The following GALNT13 variants were observed in gnomAD, a reference collection of about 807,000 sequenced individuals.
GALNT13 encodes polypeptide N-acetylgalactosaminyltransferase 13, also known as UDP-GalNAc:polypeptide N-acetylgalactosaminyltransferase 13.
GALNT13 carries 28 observed loss-of-function variants against 64.2 expected under a neutral mutation model. The ratio of observed to expected loss-of-function variants is 0.44; its 90% CI spans 0.32 to 0.60. The LOEUF (loss-of-function observed/expected upper bound fraction) is 0.60. Ranked by LOEUF, GALNT13 falls within the 20% of genes least tolerant of loss-of-function variation. GALNT13 has a pLI of 0.05. For missense variants in GALNT13, 577 were observed against 669.8 expected, an observed-to-expected ratio of 0.86 and a Z score of 1.53; for synonymous variants, 214 against 224.6, an observed-to-expected ratio of 0.95 and a Z score of 0.42.
chr2:153,214,287 C>G, the GALNT13 span, among the ~76,000 whole-genome samples: 32 of 152,058 alleles, frequency 2.1e-4, no homozygotes, highest in African/African-American at 7.5e-4. Context: ...GCCAATGAAA[C>G]ATTTGCCTTG....
the GALNT13 span, among the ~76,000 whole-genome samples, chr2:153,666,531 G>T: frequency 9.2e-5 from 14 of 152,062 alleles, no homozygotes; most frequent in African/African-American, 2.7e-4. Context: ...AACCTTAAAG[G>T]GTCAGAGAAC....
the GALNT13 span, among the ~76,000 whole-genome samples, chr2:153,401,926 C>G: frequency 6.6e-6 from 1 of 150,754 alleles, no homozygotes; most frequent in Non-Finnish European, 1.5e-5. Flanking sequence ...AGTCCATTTA[C>G]ATTTAAAGTT....
the GALNT13 span, among the ~76,000 whole-genome samples, chr2:153,680,971 C>T: frequency 1.1e-4 from 17 of 151,974 alleles, no homozygotes; most frequent in African/African-American, 3.9e-4. Context: ...GCCTTATTTT[C>T]TATCTTCAGG....
chr2:153,803,568 T>C, the GALNT13 span, among the ~76,000 whole-genome samples: 1,180 of 151,402 alleles, frequency 7.8e-3, 12 homozygotes, highest in African/African-American at 0.027. Flanking sequence ...GGCGGGCGCC[T>C]GTAGTCCCAG....
At chr2:154,236,232 A>T in intron 4 of GALNT13, 4 of 872,208 alleles carry the variant, frequency 4.6e-6, no homozygotes, top group Non-Finnish European at 5.7e-6. Flanking sequence ...TGTTAACCTC[A>T]TGCATCATAT....
downstream of GALNT13, among the ~76,000 whole-genome samples, chr2:154,456,206 G>GTTGTTGTTGTTGTTT (rs1702031550): frequency 6.7e-6 from 1 of 148,352 alleles, no homozygotes; most frequent in East Asian, 2.0e-4. Flanking sequence ...TGTTGTTGTT[G>GTTGTTGTTGTTGTTT]TTGTTGTTTT....
the GALNT13 span, among the ~76,000 whole-genome samples, chr2:153,836,587 C>T: frequency 2.6e-5 from 4 of 151,664 alleles, no homozygotes; most frequent in African/African-American, 9.7e-5. Context: ...ATACATGTGC[C>T]ATGCTGGTGT....
intron 3 of GALNT13, among the ~76,000 whole-genome samples, chr2:154,042,410 A>G (rs994400609): frequency 7.3e-6 from 1 of 137,830 alleles, no homozygotes; most frequent in Admixed American, 7.3e-5. Flanking sequence ...GGGAAAAAAA[A>G]CTAGCAGACT....
At chr2:153,071,418 G>A in the GALNT13 span, among the ~76,000 whole-genome samples, 30 of 152,294 alleles carry the variant, frequency 2.0e-4, no homozygotes, top group African/African-American at 7.0e-4. Flanking sequence ...GCAGAGCACA[G>A]GATAATCAGC....
At chr2:153,735,613 C>T in the GALNT13 span, among the ~76,000 whole-genome samples, 1 of 152,150 alleles carries the variant, frequency 6.6e-6, no homozygotes, top group Admixed American at 6.5e-5. Flanking sequence ...TTATAGGTAA[C>T]AGATCCAATC....
chr2:153,687,355 CT>C, the GALNT13 span, among the ~76,000 whole-genome samples: 35,126 of 151,662 alleles, frequency 0.23, 4,955 homozygotes, highest in Middle Eastern at 0.44. Context: ...CAATTACTTC[CT>C]GGTTCAGTCT....
the GALNT13 span, among the ~76,000 whole-genome samples, chr2:153,286,105 A>G: frequency 1.3e-5 from 2 of 152,146 alleles, no homozygotes; most frequent in Non-Finnish European, 2.9e-5. Context: ...AAAAACATTA[A>G]AAGTACTAGG....
the GALNT13 span, among the ~76,000 whole-genome samples, chr2:153,438,288 C>T: frequency 3.2e-4 from 48 of 152,262 alleles, no homozygotes; most frequent in Non-Finnish European, 5.4e-4. Flanking sequence ...TTTGGTGAAT[C>T]TGATAATTAT....
At chr2:153,410,172 A>G in the GALNT13 span, among the ~76,000 whole-genome samples, 2 of 151,790 alleles carry the variant, frequency 1.3e-5, no homozygotes, top group South Asian at 2.1e-4. Context: ...TGTAGTCTCT[A>G]CCTCCTGGGC....
chr2:154,289,761 T>C (rs557832794), intron 8 of GALNT13, among the ~76,000 whole-genome samples: 1 of 152,324 alleles, frequency 6.6e-6, no homozygotes, highest in African/African-American at 2.4e-5. Flanking sequence ...ACCCAGTCTC[T>C]TGGGATTCAG....
chr2:153,102,054 A>G, the GALNT13 span, among the ~76,000 whole-genome samples: 22 of 152,142 alleles, frequency 1.4e-4, no homozygotes, highest in African/African-American at 5.1e-4. Flanking sequence ...ATTTATGGAA[A>G]TAGATATTAG....
chr2:153,917,852 C>CAG (rs201428315), intron 2 of GALNT13, among the ~76,000 whole-genome samples: 53 of 149,576 alleles, frequency 3.5e-4, no homozygotes, highest in Non-Finnish European at 2.5e-4. Flanking sequence ...AGGATAGAAG[C>CAG]AGAGAGAGAG....
At chr2:154,406,905 A>G (rs772249193) in intron 10 of GALNT13, among the ~76,000 whole-genome samples, 3 of 152,200 alleles carry the variant, frequency 2.0e-5, no homozygotes, top group Non-Finnish European at 4.4e-5. Context: ...GGTGTTACAT[A>G]CTAAAACATT....
chr2:153,522,348 A>AAG, the GALNT13 span, among the ~76,000 whole-genome samples: 4 of 151,640 alleles, frequency 2.6e-5, no homozygotes, highest in Admixed American at 2.6e-4. Flanking sequence ...GAAAAAAATA[A>AAG]AGAGAGAGAG....
Sources: allele counts gnomAD v4.1 joint callset (sites outside exome capture counted in the v4.1 genomes callset), GRCh38; gene constraint gnomAD v4.1.1; transcripts MANE v1.5; gene names NCBI Gene and HGNC (gene_info 2026-07-23, HGNC 2026-07-21).